SMG1: variants seen among roughly 807,000 people sequenced by gnomAD.
SMG1 encodes the protein SMG1 nonsense mediated mRNA decay associated PI3K related kinase, also known as serine/threonine-protein kinase SMG1.
Under a neutral mutation model 419.9 loss-of-function variants are expected in SMG1, and 22 were observed. The ratio of observed to expected loss-of-function variants is 0.05; its 90% CI spans 0.04 to 0.07. The LOEUF is 0.07. Ranked by LOEUF, SMG1 falls within the 10% of genes least tolerant of loss-of-function variation. The pLI is 1.00. For missense variants in SMG1, 3,185 were observed against 4,342.0 expected (o/e 0.73, Z 7.49); for synonymous variants, 1,538 against 1,553.5 (o/e 0.99, Z 0.23).
chr16:18,860,444 C>G (rs1366382469), intron 26 of SMG1, among the ~76,000 whole-genome samples: 1 of 151,948 alleles, frequency 6.6e-6, no homozygotes. Context: ...AGATAAATCT[C>G]AAAGTATTAA....
At chr16:18,817,170 C>A (rs1008159352) in intron 57 of SMG1, 121 bp downstream of exon 57, 2 of 742,842 alleles carry the variant, frequency 2.7e-6, no homozygotes, top group Admixed American at 4.0e-5. Context: ...CCCCCGCCCC[C>A]CTAACAACCT....
intron 12 of SMG1, among the ~76,000 whole-genome samples, chr16:18,876,797 G>C (rs1306136664): frequency 2.0e-5 from 3 of 151,166 alleles, no homozygotes; most frequent in Admixed American, 2.0e-4. Flanking sequence ...AGTCATTTTT[G>C]TTTACAAAAT....
intron 38 of SMG1, among the ~76,000 whole-genome samples, 163 bp downstream of exon 38, chr16:18,847,290 T>TA (rs1251423285): frequency 6.6e-6 from 1 of 152,216 alleles, no homozygotes; most frequent in African/African-American, 2.4e-5. Context: ...ATATAATGAA[T>TA]AAGTTCTGGA....
At chr16:18,919,115 T>C (rs1349287681) in intron 1 of SMG1, among the ~76,000 whole-genome samples, 1 of 151,028 alleles carries the variant, frequency 6.6e-6, no homozygotes, top group Non-Finnish European at 1.5e-5. Flanking sequence ...TCACTTGAGG[T>C]CAGAAGTTCG....
At chr16:18,881,026 G>A (rs1322072334) in intron 10 of SMG1, among the ~76,000 whole-genome samples, 3 of 151,018 alleles carry the variant, frequency 2.0e-5, no homozygotes, top group Non-Finnish European at 4.4e-5. Flanking sequence ...AGTGAGGTGG[G>A]AGGTTCATAT....
Position 18,847,940 on chromosome 16 carries a change from G to A in SMG1, c.5717C>T (p.Ala1906Val). 1 of 1,613,966 alleles carries A rather than the reference G, an allele frequency of 6.2e-7. No homozygotes were observed. Residue 1906 changes from alanine to valine, a missense_variant, in exon 37 of 63, where the codon GCA (alanine) becomes GTA (valine). By Grantham distance (64) the Ala-to-Val change is moderately conservative (BLOSUM62 0). This residue lies in a region of SMG1 where 130 missense variants were observed against 162.0 expected (regional missense o/e 0.80). Transcript: ENST00000446231. ...VSECEGGSPP[A>V]SQDSNKDEPK... ...TTCATCCTTATTGCTATCCTGAGAT[G>A]CAGGAGGACTTCCTCCCTCACATTC...
In SMG1 at chr16:18,827,914, T is replaced by C. The variant is rs561743071; in HGVS notation, c.9741+117A>G. 1.5e-3 allele frequency: 1,455 copies of C among 941,756 alleles called. 7 individuals are homozygous for C. The highest frequency in any genetic ancestry group is 1.2e-3 in the Non-Finnish European group (791 of 684,868). The allele number at this position is 941,756 out of a possible 1,614,324, so 58.3% of individuals were successfully genotyped here. ...AAAAGTGAAAAAAATTATGCTCTTCTGGCTTACAAGCCAAGGACACACAAA... is the reference window on the plus strand; with the variant it reads ...AAAAGTGAAAAAAATTATGCTCTTCCGGCTTACAAGCCAAGGACACACAAA... On this transcript the variant is annotated intron_variant, in intron 55 of 62. Transcript: ENST00000446231.
chr16:18,817,213 C>T lies in SMG1; in HGVS notation c.10074+78G>A, dbSNP rs959225985. 30 of 1,150,522 alleles carry T rather than the reference C, an allele frequency of 2.6e-5. 1 individual carries two copies. The highest frequency in any genetic ancestry group is 3.2e-5 in the Admixed American group (1 of 31,230). 71.3% of individuals were successfully genotyped at this position (1,150,522 alleles called of 1,614,324 possible). A position where few individuals can be genotyped will look rare whatever the true frequency, so the allele number is the denominator to read the frequency against. Reference sequence around the variant, plus strand: ...ACAGTATATGCTCAACGAATGTAATCGGAATGTATATATTAAATTGATTTT... The same window carrying T: ...ACAGTATATGCTCAACGAATGTAATTGGAATGTATATATTAAATTGATTTT... On this transcript the variant is annotated intron_variant, in intron 57 of 62. Coordinates refer to ENST00000446231, the MANE Select transcript of SMG1 (RefSeq NM_015092.5).
chr16:18,916,379 G>A (rs1387570441), intron 1 of SMG1, among the ~76,000 whole-genome samples: 1 of 151,404 alleles, frequency 6.6e-6, no homozygotes, highest in Admixed American at 6.6e-5. Flanking sequence ...GCTGGGCGAG[G>A]TGGCGGGCGC....
At chr16:18,832,900 T>A (rs769633575) in intron 51 of SMG1, 40 bp downstream of exon 51, 4 of 1,553,972 alleles carry the variant, frequency 2.6e-6, no homozygotes, top group Non-Finnish European at 3.6e-6. Flanking sequence ...GGCTGTCCCA[T>A]CTCTTTTACA....
rs2030931157 is a variant in SMG1, at chr16:18,807,331, G to C, written c.*2238C>G. The C allele has an allele frequency of 6.6e-6, 1 of 152,148 alleles. No homozygotes were observed. Among genetic ancestry groups the C allele is most frequent in the South Asian group, 2.1e-4 (1 of 4,828 alleles). The allele number at this position is 152,148 out of a possible 1,614,324, so 9.4% of individuals were successfully genotyped here. On this transcript the variant is annotated 3_prime_UTR_variant, in exon 63 of 63. Coordinates refer to ENST00000446231, the MANE Select transcript of SMG1 (RefSeq NM_015092.5). ...AAGACTTTAATCTTGAGAGAGCAGA[G>C]GTAATGTGATGAATGTAATTTGCTC...
In SMG1 at chr16:18,817,410, C is replaced by A. The variant is rs944295433; in HGVS notation, c.9955G>T (p.Ala3319Ser). The stretch of plus-strand genomic sequence containing the variant: ...AATAACGCCGCATCCAGGTTTAAGG[C>A]TTCTGCAGTTCTTGTTCGTAAACTT... ...FESLRTRTAE[A>S]LNLDAALFEL... Residue 3319 changes from alanine (A) to serine (S), a missense_variant, in exon 57 of 63, where the codon GCC becomes TCC. By Grantham distance (99) the Ala-to-Ser change is moderately conservative. Around this residue, in one of 27 missense-constraint regions of SMG1, gnomAD observed 737 missense variants for 846.6 expected, o/e 0.87. Coordinates refer to ENST00000446231, the MANE Select transcript of SMG1 (RefSeq NM_015092.5). 1.2e-5 allele frequency: 20 copies of A among 1,603,284 alleles called. No homozygotes were observed. The highest frequency in any genetic ancestry group is 1.6e-5 in the Non-Finnish European group (19 of 1,174,330).
At chr16:18,834,502 G>A (rs923285179) in intron 49 of SMG1, 64 bp from the exon 50 acceptor site, 81 of 1,450,134 alleles carry the variant, frequency 5.6e-5, no homozygotes, top group African/African-American at 1.8e-4. Flanking sequence ...GTAACTGGCC[G>A]GGTCAAGGCC....
chr16:18,829,116 A>G (rs2032976311), intron 54 of SMG1, among the ~76,000 whole-genome samples, 170 bp downstream of exon 54: 1 of 152,220 alleles, frequency 6.6e-6, no homozygotes. Context: ...CAGAAGAGAA[A>G]CGAAGTATCA....
intron 51 of SMG1, 48 bp downstream of exon 51, chr16:18,832,892 C>T: frequency 6.6e-7 from 1 of 1,508,132 alleles, no homozygotes; most frequent in Non-Finnish European, 9.2e-7. Flanking sequence ...CTTTCTCTGG[C>T]TGTCCCATCT....
In SMG1 at chr16:18,870,598, CA is replaced by C. The variant is rs2035763554; in HGVS notation, c.2492+11del. On this transcript the variant is annotated intron_variant, in intron 18 of 62. Coordinates refer to ENST00000446231, the MANE Select transcript of SMG1 (RefSeq NM_015092.5). The stretch of plus-strand genomic sequence containing the variant: ...ATCACAGAATGTCTTTGCTCCAAAA[CA>C]ACTGTTATACCTTAGGACAACATCT... 6.6e-7 allele frequency: 1 copy of C among 1,518,976 alleles called. No homozygotes were observed. The highest frequency in any genetic ancestry group is 1.4e-5 in the African/African-American group (1 of 73,192). 94.1% of individuals were successfully genotyped at this position (1,518,976 alleles called of 1,614,324 possible).
intron 22 of SMG1, among the ~76,000 whole-genome samples, chr16:18,867,425 T>G (rs2035572699): frequency 1.3e-5 from 2 of 151,814 alleles, no homozygotes; most frequent in South Asian, 4.2e-4. Flanking sequence ...TCCCAGGGAC[T>G]GAGGCAAGAA....
chr16:18,882,564 T>C (rs2036445591), intron 9 of SMG1, among the ~76,000 whole-genome samples: 2 of 152,142 alleles, frequency 1.3e-5, no homozygotes, highest in African/African-American at 4.8e-5. Context: ...ATTAAAGAAA[T>C]AATCTCTTAA....
rs1321309453 is a variant in SMG1 at position 18,859,137 on chromosome 16, C to G, written c.3998G>C (p.Gly1333Ala). Residue 1333 changes from glycine to alanine, a missense_variant, in exon 28 of 63, where the codon GGA becomes GCA. Gly to Ala is a moderately conservative substitution (Grantham distance 60, BLOSUM62 0). This residue lies in a region of SMG1 where 120 missense variants were observed against 193.3 expected (regional missense o/e 0.62). Coordinates refer to ENST00000446231, the MANE Select transcript of SMG1 (RefSeq NM_015092.5). ...TGTTAAAGTAGAAAGTCTCAGAGGT[C>G]CAATAGCGATGCGGGATGTTTGCTT... ...YLKQTSRIAI[G>A]PLRLSTLTVS... The G allele has an allele frequency of 4.0e-5, 62 of 1,533,642 alleles. No individual in the cohort carries two copies. Among genetic ancestry groups the G allele is most frequent in the Non-Finnish European group, 5.2e-5 (60 of 1,145,240 alleles).
Sources: gnomAD v4.1 joint callset for allele counts (sites outside exome capture counted in the v4.1 genomes callset) on GRCh38, gnomAD v4.1.1 for gene constraint, gnomAD v4.1.1 regional missense constraint, MANE v1.5 for transcripts, NCBI Gene and HGNC (gene_info 2026-07-23, HGNC 2026-07-21) for gene names.